MMP14: variants seen among roughly 807,000 people sequenced by gnomAD.
MMP14 encodes matrix metallopeptidase 14.
MMP14 carries 13 observed loss-of-function variants against 64.8 expected under a neutral mutation model. The observed-to-expected ratio is 0.20, with a 90% CI of 0.13 to 0.32. The LOEUF is 0.32. MMP14 is among the 10% of genes least tolerant of loss of function. The pLI is 1.00. For missense variants in MMP14, 594 were observed against 783.8 expected, an observed-to-expected ratio of 0.76 and a Z score of 2.89; for synonymous variants, 322 against 315.9, an observed-to-expected ratio of 1.02 and a Z score of -0.20.
chr14:22,839,962 C>CTTTTTTTTTTTTTTTTTTT (rs577502772), intron 1 of MMP14, among the ~76,000 whole-genome samples: 1 of 90,806 alleles, frequency 1.1e-5, no homozygotes, highest in African/African-American at 5.1e-5. Flanking sequence ...GCTTGTTTTA[C>CTTTTTTTTTTTTTTTTTTT]TTTTTTTTTT....
Position 22,843,421 on chromosome 14 carries a change from G to C in MMP14, c.850+3G>C. On this transcript the variant is annotated splice_donor_region_variant and intron_variant, in intron 5 of 9. Coordinates refer to ENST00000311852, the MANE Select transcript of MMP14 (RefSeq NM_004995.4). This position sits in a 1 kb window ranked among gnomAD's most constrained non-coding sequence, Gnocchi z 4.8. The stretch of plus-strand genomic sequence containing the variant: ...CCGGGGCATCCAGCAACTTTATGGC[G>C]AGTAGTCTACACCCACGCCTGCTCC... 6.2e-7 allele frequency: 1 copy of C among 1,612,296 alleles called. No individual in the cohort carries two copies. Among genetic ancestry groups the C allele is most frequent in the Non-Finnish European group, 8.5e-7 (1 of 1,179,232 alleles).
intron 1 of MMP14, 184 bp downstream of exon 1, chr14:22,837,109 T>G: frequency 4.4e-6 from 3 of 683,560 alleles, no homozygotes; most frequent in Non-Finnish European, 5.3e-6. Context: ...ATCCAACTTT[T>G]GCCCGCTTCC....
In MMP14 at chr14:22,846,134, C is replaced by T. The variant is rs1228104084; in HGVS notation, c.*95C>T. 2 of 1,207,322 alleles carry T rather than the reference C, an allele frequency of 1.7e-6. No homozygotes were observed. The highest frequency in any genetic ancestry group is 2.2e-6 in the Non-Finnish European group (2 of 892,786). 74.8% of individuals were successfully genotyped at this position (1,207,322 alleles called of 1,614,324 possible). The stretch of plus-strand genomic sequence containing the variant: ...GGTGGGTGGGCTGTTCCCATCGTCC[C>T]GAGCCCCCTCCCCGCAGCCTCCTTG... On this transcript the variant is annotated 3_prime_UTR_variant, in exon 10 of 10. Transcript: ENST00000311852.
At chr14:22,838,378 T>C (rs1056795319) in intron 1 of MMP14, among the ~76,000 whole-genome samples, 4 of 152,118 alleles carry the variant, frequency 2.6e-5, no homozygotes, top group East Asian at 1.9e-4. Flanking sequence ...TCCGTTTTAA[T>C]TGGGTCATGG....
rs1381462096 is a variant in MMP14 at position 22,841,972 on chromosome 14, A to G, written c.317A>G (p.Asn106Ser). 1.2e-5 allele frequency: 20 copies of G among 1,614,246 alleles called. No homozygotes were observed. The Middle Eastern group carries it at 1.3e-3, about 107-fold the overall frequency. ...PDKFGAEIKANVRRKRYAIQG... is the reference protein window; with the variant it reads ...PDKFGAEIKASVRRKRYAIQG... ...AAGTTTGGGGCTGAGATCAAGGCCA[A>G]TGTTCGAAGGAAGCGCTACGCCATC... The change falls in exon 3 of 10, where the codon AAT (asparagine) becomes AGT (serine). Residue 106 changes from asparagine to serine, a missense_variant. Around this residue, in one of 4 missense-constraint regions of MMP14, gnomAD observed 179 missense variants for 283.4 expected, o/e 0.63. Coordinates refer to ENST00000311852, the MANE Select transcript of MMP14 (RefSeq NM_004995.4).
Position 22,843,426 on chromosome 14 carries a change from G to C in MMP14, c.850+8G>C. 1 of 1,610,436 alleles carries C rather than the reference G, an allele frequency of 6.2e-7. No homozygotes were observed. Among genetic ancestry groups the C allele is most frequent in the Non-Finnish European group, 8.5e-7 (1 of 1,177,842 alleles). ...GCATCCAGCAACTTTATGGCGAGTA[G>C]TCTACACCCACGCCTGCTCCCTCCT... On this transcript the variant is annotated splice_region_variant and intron_variant, in intron 5 of 9. Coordinates refer to ENST00000311852, the MANE Select transcript of MMP14 (RefSeq NM_004995.4). This position sits in a 1 kb window ranked among gnomAD's most constrained non-coding sequence, Gnocchi z 4.8.
rs377219142 is a variant in MMP14 at position 22,842,693 on chromosome 14, A to G, written c.664A>G (p.Thr222Ala). ...DTHFDSAEPW[T>A]VRNEDLNGND... ...CCACTTTGACTCTGCCGAGCCTTGG[A>G]CTGTCAGGAATGAGGATCTGAATGG... The change falls in exon 4 of 10, where the codon ACT becomes GCT. Residue 222 changes from threonine to alanine, a missense_variant. Coordinates refer to ENST00000311852, the MANE Select transcript of MMP14 (RefSeq NM_004995.4). This position sits in a 1 kb window ranked among gnomAD's most constrained non-coding sequence, Gnocchi z 5.3. 6.2e-7 allele frequency: 1 copy of G among 1,607,742 alleles called. No homozygotes were observed. The highest frequency in any genetic ancestry group is 8.5e-7 in the Non-Finnish European group (1 of 1,175,628).
At chr14:22,837,317 CG>C in intron 1 of MMP14, 1 of 466,648 alleles carries the variant, frequency 2.1e-6, no homozygotes, top group South Asian at 1.5e-5. Context: ...TCGTCATGCG[CG>C]AGAGTTTGTT....
rs757380549 is a variant in MMP14, at chr14:22,842,694, C to T, written c.665C>T (p.Thr222Ile). The T allele has an allele frequency of 2.5e-6, 4 of 1,607,438 alleles. No individual in the cohort carries two copies. In the Admixed American group the frequency reaches 5.0e-5, roughly 20 times the overall value. ...DTHFDSAEPW[T>I]VRNEDLNGND... ...CACTTTGACTCTGCCGAGCCTTGGA[C>T]TGTCAGGAATGAGGATCTGAATGGT... The change falls in exon 4 of 10, where the codon ACT (threonine) becomes ATT (isoleucine). Residue 222 changes from threonine to isoleucine, a missense_variant. This residue lies in a region of MMP14 where 179 missense variants were observed against 283.4 expected (regional missense o/e 0.63). Transcript: ENST00000311852. The surrounding 1 kb of genome is among the most constrained non-coding windows in gnomAD (Gnocchi z 5.3).
Position 22,846,212 on chromosome 14 carries a change from C to T in MMP14, c.*173C>T. 3.1e-6 allele frequency: 2 copies of T among 642,464 alleles called. No homozygotes were observed. Among genetic ancestry groups the T allele is most frequent in the Non-Finnish European group, 5.2e-6 (2 of 382,876 alleles). 39.8% of individuals were successfully genotyped at this position (642,464 alleles called of 1,614,324 possible). On this transcript the variant is annotated 3_prime_UTR_variant, in exon 10 of 10. Transcript: ENST00000311852. ...TTCACCCTGACCGCCTCCCTCCCTC[C>T]TGCCCCGGCATTGCATCTTCCCTAG...
intron 1 of MMP14, 91 bp downstream of exon 1, chr14:22,837,016 G>GATCCCAAAA: frequency 1.0e-6 from 1 of 969,876 alleles, no homozygotes; most frequent in Non-Finnish European, 1.6e-6. Context: ...TCGGAGAGGA[G>GATCCCAAAA]GGCTTTTGGG....
chr14:22,839,054 C>T (rs969771694), intron 1 of MMP14, among the ~76,000 whole-genome samples: 24 of 152,196 alleles, frequency 1.6e-4, no homozygotes, highest in Admixed American at 1.1e-3. Flanking sequence ...TGTGGATTCT[C>T]CCCATCTCTT....
Position 22,842,067 on chromosome 14 carries a change from A to G in MMP14, c.380+32A>G. ...CCAACAGGCAAGCAACCTTTCTCACATCTGGTTATTATTTCCTACCCATTG... is the reference window on the plus strand; with the variant it reads ...CCAACAGGCAAGCAACCTTTCTCACGTCTGGTTATTATTTCCTACCCATTG... On this transcript the variant is annotated intron_variant, in intron 3 of 9. Transcript: ENST00000311852. The surrounding 1 kb of genome is among the most constrained non-coding windows in gnomAD (Gnocchi z 5.3). 1 of 1,613,810 alleles carries G rather than the reference A, an allele frequency of 6.2e-7. No individual in the cohort carries two copies. Among genetic ancestry groups the G allele is most frequent in the South Asian group, 1.1e-5 (1 of 91,056 alleles).
intron 9 of MMP14, 43 bp from the exon 10 acceptor site, chr14:22,845,660 CTCTTT>C: frequency 6.3e-7 from 1 of 1,587,936 alleles, no homozygotes; most frequent in East Asian, 2.2e-5. Context: ...CTCCTCTCCT[CTCTTT>C]GGGTCTTCCC....
At chr14:22,836,959 G>T in intron 1 of MMP14, 34 bp downstream of exon 1, 2 of 1,562,758 alleles carry the variant, frequency 1.3e-6, no homozygotes, top group Non-Finnish European at 1.8e-6. Flanking sequence ...CCGGAGTCGC[G>T]CCCGCCGGGA....
chr14:22,843,667 C>A lies in MMP14; in HGVS notation c.851-43C>A, dbSNP rs545049079. 3.2e-6 allele frequency: 5 copies of A among 1,564,734 alleles called. No homozygotes were observed. In the South Asian group the frequency reaches 3.5e-5, roughly 11 times the overall value. ...CCATCTGTCTGTCCTTCCGTCCCCG[C>A]CTCCTCCTAAGTCTGAAATGCCCCT... On this transcript the variant is annotated intron_variant, in intron 5 of 9. Coordinates refer to ENST00000311852, the MANE Select transcript of MMP14 (RefSeq NM_004995.4). This position sits in a 1 kb window ranked among gnomAD's most constrained non-coding sequence, Gnocchi z 4.8.
intron 1 of MMP14, among the ~76,000 whole-genome samples, chr14:22,840,317 T>C (rs1185186873): frequency 6.6e-6 from 1 of 152,224 alleles, no homozygotes; most frequent in African/African-American, 2.4e-5. Flanking sequence ...GTTCTTACAA[T>C]AAAGGCTGAC....
At chr14:22,840,040 T>C (rs2039762574) in intron 1 of MMP14, among the ~76,000 whole-genome samples, 1 of 145,752 alleles carries the variant, frequency 6.9e-6, no homozygotes, top group Non-Finnish European at 1.5e-5. Flanking sequence ...GGATCTTGGC[T>C]AACTGCAACC....
In MMP14 at chr14:22,843,788, A is replaced by G. The variant is rs920580303; in HGVS notation, c.929A>G (p.Lys310Arg). 6.2e-7 allele frequency: 1 copy of G among 1,613,640 alleles called. No homozygotes were observed. The change falls in exon 6 of 10, where the codon AAA becomes AGA. Residue 310 changes from lysine to arginine, a missense_variant. Lys to Arg is a conservative substitution (Grantham distance 26). This residue lies in a region of MMP14 where 364 missense variants were observed against 425.2 expected (regional missense o/e 0.86). Coordinates refer to ENST00000311852, the MANE Select transcript of MMP14 (RefSeq NM_004995.4). This position sits in a 1 kb window ranked among gnomAD's most constrained non-coding sequence, Gnocchi z 4.8. ...CGGCCTTCTGTTCCTGATAAACCCA[A>G]AAACCCCACCTATGGGCCCAACATC... ...TSRPSVPDKP[K>R]NPTYGPNICD...
Sources: allele counts gnomAD v4.1 joint callset (sites outside exome capture counted in the v4.1 genomes callset), GRCh38; gene constraint gnomAD v4.1.1; regional missense constraint gnomAD v4.1.1; non-coding constraint Gnocchi (gnomAD v3.1); transcripts MANE v1.5; gene names NCBI Gene and HGNC (gene_info 2026-07-23, HGNC 2026-07-21).